PCSK5: variants seen among roughly 807,000 people sequenced by gnomAD.
PCSK5 encodes the protein proprotein convertase subtilisin/kexin type 5, also known as prohormone convertase 5.
In PCSK5, 129 loss-of-function variants were observed where a neutral mutation model predicts 233.2. The ratio of observed to expected loss-of-function variants is 0.55; its 90% CI spans 0.48 to 0.64. The LOEUF (loss-of-function observed/expected upper bound fraction) is 0.64. Ranked by LOEUF, PCSK5 falls within the 30% of genes least tolerant of loss-of-function variation. The pLI, the probability that PCSK5 is intolerant of heterozygous loss-of-function variation, is 0.00. For synonymous variants in PCSK5, 825 were observed against 879.2 expected (o/e 0.94, Z 1.09); for missense variants, 2,076 against 2,430.1 (o/e 0.85, Z 3.06).
chr9:76,327,787 A>T (rs12376054), intron 32 of PCSK5, among the ~76,000 whole-genome samples: 26,085 of 152,162 alleles, frequency 0.17, 2,328 homozygotes, highest in Non-Finnish European at 0.2. Context: ...GATACAACAG[A>T]GAAAATAAAA....
intron 7 of PCSK5, among the ~76,000 whole-genome samples, chr9:76,082,778 C>A (rs1035959437): frequency 1.4e-4 from 22 of 151,806 alleles, no homozygotes; most frequent in African/African-American, 5.3e-4. Flanking sequence ...ATAATATTGA[C>A]AGCATTTCAC....
Position 76,236,239 on chromosome 9 carries a change from A to C in PCSK5, c.2866+2643A>C, listed in dbSNP as rs549866516. On this transcript the variant is annotated intron_variant, in intron 22 of 37. Transcript: ENST00000674117. ...GCACCTTTCTTTTATCCTTTCCAGCAGTCCTTTTCGCCTCATGCCTTCAAC... is the reference window on the plus strand; with the variant it reads ...GCACCTTTCTTTTATCCTTTCCAGCCGTCCTTTTCGCCTCATGCCTTCAAC... 2.6e-3 allele frequency among the ~76,000 whole-genome samples: 396 copies of C among 152,312 alleles called. 1 individual carries two copies. Among genetic ancestry groups the C allele is most frequent in the Non-Finnish European group, 4.1e-3 (282 of 68,030 alleles).
At chr9:75,979,856 T>C (rs918474440) in intron 2 of PCSK5, among the ~76,000 whole-genome samples, 5 of 152,244 alleles carry the variant, frequency 3.3e-5, no homozygotes, top group Non-Finnish European at 4.4e-5. Context: ...TTTTGCATCA[T>C]TTAACTTTTT....
intron 20 of PCSK5, chr9:76,193,482 TTC>T (rs541704834): frequency 3.1e-5 from 22 of 702,094 alleles, no homozygotes; most frequent in Non-Finnish European, 4.0e-5. Flanking sequence ...CTCTTTTTCT[TTC>T]TCTCTCTCTC....
At chr9:76,351,779 C>T (rs1420674855) in intron 36 of PCSK5, among the ~76,000 whole-genome samples, 1 of 151,224 alleles carries the variant, frequency 6.6e-6, no homozygotes, top group East Asian at 1.9e-4. Flanking sequence ...ACTCTGTCAC[C>T]CAGGCTGGAG....
intron 32 of PCSK5, 42 bp downstream of exon 32, chr9:76,323,330 T>A (rs2803430): frequency 8.2e-7 from 1 of 1,218,616 alleles, no homozygotes; most frequent in South Asian, 1.3e-5. Context: ...GGGGTTTGCA[T>A]AGTTCCAGCC....
intron 3 of PCSK5, among the ~76,000 whole-genome samples, chr9:76,002,283 C>T (rs1827295730): frequency 6.6e-6 from 1 of 152,160 alleles, no homozygotes; most frequent in African/African-American, 2.4e-5. Context: ...TATACTCAAG[C>T]ATTTCAATCT....
chr9:75,940,904 T>C (rs1824273094), intron 2 of PCSK5, among the ~76,000 whole-genome samples: 1 of 152,256 alleles, frequency 6.6e-6, no homozygotes, highest in Non-Finnish European at 1.5e-5. Context: ...AGGTGAACTT[T>C]GGAGTTAAAG....
rs186044409 is a variant in PCSK5, at chr9:76,209,581, A to C, written c.2627-17922A>C. The C allele has an allele frequency of 2.7e-5, 14 of 512,610 alleles. No homozygotes were observed. In the East Asian group the frequency reaches 5.6e-4, roughly 20 times the overall value. The allele number at this position is 512,610 out of a possible 1,614,324, so 31.8% of individuals were successfully genotyped here. A position where few individuals can be genotyped will look rare whatever the true frequency, so the allele number is the denominator to read the frequency against. On this transcript the variant is annotated intron_variant, in intron 20 of 37. Transcript: ENST00000674117. Reference sequence around the variant, plus strand: ...TCATGGAGCTTTTAACTATCGTGTCACTGCTTTTCGCATCCCTAACGTCCA... The same window carrying C: ...TCATGGAGCTTTTAACTATCGTGTCCCTGCTTTTCGCATCCCTAACGTCCA...
chr9:75,899,364 C>T (rs1395012970), intron 1 of PCSK5, among the ~76,000 whole-genome samples: 1 of 151,932 alleles, frequency 6.6e-6, no homozygotes, highest in Admixed American at 6.6e-5. Context: ...CCATAATTAC[C>T]CCTCCTTTTT....
At chr9:75,940,986 A>G (rs532472292) in intron 2 of PCSK5, among the ~76,000 whole-genome samples, 4 of 152,188 alleles carry the variant, frequency 2.6e-5, no homozygotes, top group Admixed American at 2.0e-4. Flanking sequence ...CATTTCTGCC[A>G]TGCCTCTTCA....
At chr9:76,091,312 TGAGAGA>T (rs71992221) in intron 7 of PCSK5, among the ~76,000 whole-genome samples, 3 of 150,048 alleles carry the variant, frequency 2.0e-5, no homozygotes, top group Non-Finnish European at 4.5e-5. Flanking sequence ...GCCTACAATC[TGAGAGA>T]GAGAGAGAGA....
chr9:76,255,066 C>T (rs566883841), intron 24 of PCSK5, among the ~76,000 whole-genome samples: 9 of 152,198 alleles, frequency 5.9e-5, no homozygotes, highest in Admixed American at 2.6e-4. Context: ...GTGGGTGGAT[C>T]ACTTGAGGCC....
At chr9:76,258,369 T>C (rs1827051406) in intron 24 of PCSK5, among the ~76,000 whole-genome samples, 1 of 152,210 alleles carries the variant, frequency 6.6e-6, no homozygotes, top group South Asian at 2.1e-4. Flanking sequence ...ATTGAGCCTT[T>C]GGGTCAGGTT....
chr9:76,084,294 A>G (rs1830974404), intron 7 of PCSK5, among the ~76,000 whole-genome samples: 1 of 152,250 alleles, frequency 6.6e-6, no homozygotes, highest in Non-Finnish European at 1.5e-5. Context: ...AGGTTACTAT[A>G]TTAATGTGAA....
chr9:76,205,691 C>A (rs1255580141), intron 20 of PCSK5, among the ~76,000 whole-genome samples: 1 of 152,178 alleles, frequency 6.6e-6, no homozygotes, highest in Non-Finnish European at 1.5e-5. Context: ...CAACATCAGC[C>A]TCCTTTTGTT....
intron 20 of PCSK5, among the ~76,000 whole-genome samples, chr9:76,203,802 G>T (rs1825006945): frequency 6.6e-6 from 1 of 152,150 alleles, no homozygotes; most frequent in Non-Finnish European, 1.5e-5. Flanking sequence ...ATGTCCTTTT[G>T]CCAGATCCCA....
chr9:76,050,428 T>C (rs1829581848), intron 5 of PCSK5, among the ~76,000 whole-genome samples: 1 of 152,246 alleles, frequency 6.6e-6, no homozygotes, highest in Non-Finnish European at 1.5e-5. Flanking sequence ...ATTCTCTTTA[T>C]AGATCTTTTC....
chr9:76,028,258 G>A (rs1166888004), intron 5 of PCSK5, among the ~76,000 whole-genome samples: 1 of 152,160 alleles, frequency 6.6e-6, no homozygotes, highest in Admixed American at 6.5e-5. Context: ...ACTGCCCAGT[G>A]GGTTCACCTT....
Sources: gnomAD v4.1 joint callset for allele counts (sites outside exome capture counted in the v4.1 genomes callset) on GRCh38, gnomAD v4.1.1 for gene constraint, MANE v1.5 for transcripts, NCBI Gene and HGNC (gene_info 2026-07-23, HGNC 2026-07-21) for gene names.